The following ARL15 variants were observed in gnomAD, a reference collection of about 807,000 sequenced individuals.
ARL15 encodes the protein ARF like GTPase 15, also known as ADP-ribosylation factor-like protein 15.
In ARL15, 19 loss-of-function variants were observed where a neutral mutation model predicts 25.2. The ratio of observed to expected loss-of-function variants is 0.75; its 90% CI spans 0.53 to 1.10. The LOEUF (loss-of-function observed/expected upper bound fraction) is 1.10, where lower values mean the gene tolerates loss of function less well. ARL15 is among the 50% of genes least tolerant of loss of function. The probability of loss-of-function intolerance (pLI) is 0.00; values close to 1 mark genes in which losing one functional copy is unlikely to be tolerated. For missense variants in ARL15, 220 were observed against 246.0 expected (o/e 0.89, Z 0.71); for synonymous variants, 94 against 86.8 (o/e 1.08, Z -0.46).
chr5:54,151,313 T>C (rs1754063916), intron 3 of ARL15, among the ~76,000 whole-genome samples: 1 of 152,218 alleles, frequency 6.6e-6, no homozygotes, highest in Non-Finnish European at 1.5e-5. Context: ...ACTATCACTG[T>C]GTCATAATTT....
intron 1 of ARL15, among the ~76,000 whole-genome samples, chr5:54,188,160 AATC>A (rs1755291213): frequency 6.6e-6 from 1 of 152,226 alleles, no homozygotes; most frequent in South Asian, 2.1e-4. Flanking sequence ...AAAATGGAGC[AATC>A]ATATTTATGG....
At chr5:54,147,096 T>C (rs1454321953) in intron 3 of ARL15, among the ~76,000 whole-genome samples, 1 of 152,164 alleles carries the variant, frequency 6.6e-6, no homozygotes, top group Non-Finnish European at 1.5e-5. Flanking sequence ...TCCAAGTGAC[T>C]TGGCTTTATA....
chr5:53,899,346 CCAAAAAAAAAAAAAAAAAAA>C (rs1561140933), intron 4 of ARL15, among the ~76,000 whole-genome samples: 1 of 38,714 alleles, frequency 2.6e-5, no homozygotes. Context: ...AGACTCTATC[CCAAAAAAAAAAAAAAAAAAA>C]AAAAAAAAAA....
chr5:53,899,127 G>A (rs1000623242), intron 4 of ARL15, among the ~76,000 whole-genome samples: 11 of 151,794 alleles, frequency 7.2e-5, no homozygotes, highest in Non-Finnish European at 1.5e-4. Context: ...TGGGTGGATA[G>A]CCTGAGGTCA....
Position 54,264,731 on chromosome 5 carries a change from A to G in ARL15, c.48+45701T>C, listed in dbSNP as rs910548668. ...GGAACATTCTTCCCTACATATCCAC[A>G]TGGCTAACTCCCTCACTCCTTCAAG... On this transcript the variant is annotated intron_variant, in intron 1 of 4. Coordinates refer to ENST00000504924, the MANE Select transcript of ARL15 (RefSeq NM_019087.3). 2.0e-5 allele frequency among the ~76,000 whole-genome samples: 3 copies of G among 152,022 alleles called. No individual in the cohort carries two copies. The South Asian group carries it at 6.2e-4, about 31-fold the overall frequency.
At chr5:53,904,307 C>T (rs1217253883) in intron 4 of ARL15, among the ~76,000 whole-genome samples, 1 of 152,148 alleles carries the variant, frequency 6.6e-6, no homozygotes, top group Non-Finnish European at 1.5e-5. Context: ...GGTGAGCACT[C>T]CTAGGTTGCT....
At chr5:54,124,271 T>C (rs1753178473) in intron 3 of ARL15, among the ~76,000 whole-genome samples, 1 of 152,214 alleles carries the variant, frequency 6.6e-6, no homozygotes, top group East Asian at 1.9e-4. Flanking sequence ...CATGCTCTTC[T>C]TATTCTAGAC....
At chr5:53,903,043 G>A (rs1021041874) in intron 4 of ARL15, among the ~76,000 whole-genome samples, 1 of 152,138 alleles carries the variant, frequency 6.6e-6, no homozygotes, top group Non-Finnish European at 1.5e-5. Context: ...TGAGAAATAT[G>A]AGCTTGGAAA....
chr5:54,049,503 T>C (rs1750639939), intron 4 of ARL15, among the ~76,000 whole-genome samples: 2 of 152,164 alleles, frequency 1.3e-5, no homozygotes, highest in Admixed American at 6.5e-5. Flanking sequence ...AGAAAGTAAA[T>C]ATCCAATTTT....
chr5:53,939,734 A>AC (rs1194843528), intron 4 of ARL15, among the ~76,000 whole-genome samples: 1 of 149,656 alleles, frequency 6.7e-6, no homozygotes, highest in Non-Finnish European at 1.5e-5. Flanking sequence ...ACTCCGTCTC[A>AC]AAAAAAAATA....
chr5:54,162,442 GCAAA>G (rs1473047835), intron 2 of ARL15, among the ~76,000 whole-genome samples: 1 of 152,028 alleles, frequency 6.6e-6, no homozygotes, highest in Non-Finnish European at 1.5e-5. Context: ...CCATACACTA[GCAAA>G]CAGAGCTTTT....
rs1758869791 is a variant in ARL15 at position 54,310,515 on chromosome 5, C to A, written c.-36G>T. 1 of 1,570,568 alleles carries A rather than the reference C, an allele frequency of 6.4e-7. No homozygotes were observed. Among genetic ancestry groups the A allele is most frequent in the Non-Finnish European group, 8.6e-7 (1 of 1,160,988 alleles). ...AAAGCATCCGGAACGGCTCCGAACC[C>A]GGAAAAAAAAAGCAGCGTCTCTGGC... On this transcript the variant is annotated 5_prime_UTR_variant, in exon 1 of 5. Coordinates refer to ENST00000504924, the MANE Select transcript of ARL15 (RefSeq NM_019087.3).
chr5:53,971,759 G>T (rs1485737341), intron 4 of ARL15, among the ~76,000 whole-genome samples: 2 of 152,146 alleles, frequency 1.3e-5, no homozygotes, highest in Non-Finnish European at 2.9e-5. Flanking sequence ...ATGCTGAGAG[G>T]CCAGAAAGGG....
intron 1 of ARL15, among the ~76,000 whole-genome samples, chr5:54,190,626 T>C (rs544859229): frequency 2.0e-5 from 3 of 152,286 alleles, no homozygotes; most frequent in South Asian, 4.1e-4. Flanking sequence ...GCTAGTTTCC[T>C]GGAAGCATTG....
chr5:54,272,745 T>G (rs28553319), intron 1 of ARL15, among the ~76,000 whole-genome samples: 4,957 of 152,332 alleles, frequency 0.033, 163 homozygotes, highest in African/African-American at 0.083. Context: ...ATTATCATTA[T>G]AACATCTACA....
chr5:54,305,945 A>T (rs1758743213), intron 1 of ARL15, among the ~76,000 whole-genome samples: 1 of 152,238 alleles, frequency 6.6e-6, no homozygotes. Context: ...TTCAAGTCTA[A>T]GTTTATATTT....
chr5:54,035,521 A>G (rs773699257), intron 4 of ARL15, among the ~76,000 whole-genome samples: 70 of 152,254 alleles, frequency 4.6e-4, no homozygotes, highest in Non-Finnish European at 1.6e-4. Flanking sequence ...AAGGGAAAAC[A>G]TAACTCTTTT....
chr5:54,308,496 C>T (rs1215983422), intron 1 of ARL15, among the ~76,000 whole-genome samples: 2 of 152,126 alleles, frequency 1.3e-5, no homozygotes, highest in Non-Finnish European at 2.9e-5. Context: ...TGACACAAAG[C>T]TGTTAGTAAA....
intron 1 of ARL15, among the ~76,000 whole-genome samples, chr5:54,234,883 T>C (rs1362550439): frequency 6.6e-6 from 1 of 152,200 alleles, no homozygotes; most frequent in African/African-American, 2.4e-5. Flanking sequence ...AATTTTTTGA[T>C]AATATGTTTT....
Sources: allele counts gnomAD v4.1 joint callset (sites outside exome capture counted in the v4.1 genomes callset), GRCh38; gene constraint gnomAD v4.1.1; transcripts MANE v1.5; gene names NCBI Gene and HGNC (gene_info 2026-07-23, HGNC 2026-07-21).